EPHA6: variants seen among roughly 807,000 people sequenced by gnomAD.
EPHA6 encodes EPH receptor A6, also known as ephrin type-A receptor 6.
A neutral mutation model predicts 112.0 loss-of-function variants in EPHA6; 50 were observed. The ratio of observed to expected loss-of-function variants is 0.45; its 90% CI spans 0.36 to 0.56. EPHA6 has a LOEUF of 0.56. Among genes scored for constraint, EPHA6 ranks in the 20% least tolerant of loss-of-function variants. The pLI, the probability that EPHA6 is intolerant of heterozygous loss-of-function variation, is 0.00. For synonymous variants in EPHA6, 529 were observed against 490.7 expected, an observed-to-expected ratio of 1.08 and a Z score of -1.03; for missense variants, 1,280 against 1,417.4, an observed-to-expected ratio of 0.90 and a Z score of 1.56.
intron 13 of EPHA6, among the ~76,000 whole-genome samples, chr3:97,620,960 A>C (rs1461389057): frequency 6.6e-6 from 1 of 152,068 alleles, no homozygotes; most frequent in Non-Finnish European, 1.5e-5. Context: ...ACACACACGC[A>C]TGCATATATT....
At chr3:96,963,586 G>T (rs1305421963) in intron 2 of EPHA6, among the ~76,000 whole-genome samples, 1 of 152,034 alleles carries the variant, frequency 6.6e-6, no homozygotes, top group African/African-American at 2.4e-5. Context: ...ACAATATATG[G>T]CTGGGTATTT....
chr3:97,182,343 A>C (rs2077012083), intron 3 of EPHA6, among the ~76,000 whole-genome samples: 1 of 148,912 alleles, frequency 6.7e-6, no homozygotes, highest in South Asian at 2.1e-4. Context: ...ATATATAATT[A>C]TCATATTATA....
At chr3:97,396,237 C>A (rs1283393574) in intron 5 of EPHA6, among the ~76,000 whole-genome samples, 1 of 150,404 alleles carries the variant, frequency 6.6e-6, no homozygotes, top group Non-Finnish European at 1.5e-5. Context: ...CACTGTGTAT[C>A]TCATTTTCTC....
chr3:97,521,300 G>A (rs1471493590), intron 10 of EPHA6, among the ~76,000 whole-genome samples: 3 of 150,618 alleles, frequency 2.0e-5, no homozygotes, highest in Non-Finnish European at 4.4e-5. Context: ...ATTTATATGT[G>A]TGCATCTTGT....
chr3:97,277,080 GAAGA>G (rs2080111841), intron 5 of EPHA6, among the ~76,000 whole-genome samples: 2 of 152,100 alleles, frequency 1.3e-5, no homozygotes, highest in Admixed American at 6.5e-5. Context: ...TGTAGAAAAG[GAAGA>G]AAGACTCAGT....
intron 14 of EPHA6, among the ~76,000 whole-genome samples, chr3:97,652,364 G>A (rs953752011): frequency 6.6e-6 from 1 of 151,970 alleles, no homozygotes; most frequent in East Asian, 1.9e-4. Context: ...GACCCTATTG[G>A]CTGCCCATTC....
rs1397443715 is a variant in EPHA6, at chr3:97,012,623, G to A, written c.1114+24630G>A. Reference sequence around the variant, plus strand: ...TGTGTGTGTGTATATATATATATATGTATTTTTTTTTTTTTTTAAAGAAAC... The same window carrying A: ...TGTGTGTGTGTATATATATATATATATATTTTTTTTTTTTTTTAAAGAAAC... On this transcript the variant is annotated intron_variant, in intron 3 of 17. Coordinates refer to ENST00000389672, the MANE Select transcript of EPHA6 (RefSeq NM_001080448.3). 3.8e-3 allele frequency among the ~76,000 whole-genome samples: 528 copies of A among 139,150 alleles called. 6 individuals are homozygous for A. The highest frequency in any genetic ancestry group is 0.014 in the African/African-American group (492 of 36,328). The allele number at this position is 139,150 out of a possible 152,430, so 91.3% of individuals were successfully genotyped here. A position where few individuals can be genotyped will look rare whatever the true frequency, so the allele number is the denominator to read the frequency against.
At chr3:97,352,464 C>T (rs1339800783) in intron 5 of EPHA6, among the ~76,000 whole-genome samples, 1 of 152,156 alleles carries the variant, frequency 6.6e-6, no homozygotes, top group Non-Finnish European at 1.5e-5. Context: ...AGCCACATGG[C>T]ATAGAGAGAG....
At chr3:97,137,739 G>A (rs1195841426) in intron 3 of EPHA6, among the ~76,000 whole-genome samples, 2 of 152,050 alleles carry the variant, frequency 1.3e-5, no homozygotes, top group African/African-American at 2.4e-5. Context: ...TTACCAACTT[G>A]CAGTCCTTTA....
chr3:97,541,041 T>C (rs1011752050), intron 11 of EPHA6, among the ~76,000 whole-genome samples: 2 of 152,200 alleles, frequency 1.3e-5, no homozygotes, highest in South Asian at 2.1e-4. Flanking sequence ...AAGTTTCTAA[T>C]GGTCTTATGT....
chr3:97,229,964 G>A (rs1180234933), intron 4 of EPHA6, among the ~76,000 whole-genome samples: 1 of 151,964 alleles, frequency 6.6e-6, no homozygotes, highest in Non-Finnish European at 1.5e-5. Context: ...ATGGAAAAAA[G>A]TTTTTAGCAG....
At chr3:97,602,318 C>T (rs1000460582) in intron 12 of EPHA6, among the ~76,000 whole-genome samples, 7 of 151,912 alleles carry the variant, frequency 4.6e-5, no homozygotes, top group African/African-American at 1.2e-4. Flanking sequence ...TTGTATAGAA[C>T]GTTTTACAGC....
At chr3:97,141,579 T>C (rs1207238228) in intron 3 of EPHA6, among the ~76,000 whole-genome samples, 1 of 152,054 alleles carries the variant, frequency 6.6e-6, no homozygotes, top group Non-Finnish European at 1.5e-5. Context: ...AGATTGCTTC[T>C]GAATGACTTT....
chr3:97,079,755 T>A (rs946529297), intron 3 of EPHA6, among the ~76,000 whole-genome samples: 4 of 152,090 alleles, frequency 2.6e-5, no homozygotes, highest in Admixed American at 6.6e-5. Flanking sequence ...TGCAGCAAAC[T>A]TTATTGTCTT....
At chr3:97,725,624 T>C (rs2107811524) in intron 15 of EPHA6, among the ~76,000 whole-genome samples, 1 of 152,248 alleles carries the variant, frequency 6.6e-6, no homozygotes, top group African/African-American at 2.4e-5. Flanking sequence ...CCAGTCGGGC[T>C]TTAGAACAAG....
At chr3:97,494,507 T>C (rs928255411) in intron 10 of EPHA6, among the ~76,000 whole-genome samples, 3 of 152,114 alleles carry the variant, frequency 2.0e-5, no homozygotes, top group African/African-American at 7.2e-5. Flanking sequence ...AATTTCCCTA[T>C]CCGTGAAATA....
At chr3:97,113,469 C>G (rs2047784388) in intron 3 of EPHA6, among the ~76,000 whole-genome samples, 1 of 152,092 alleles carries the variant, frequency 6.6e-6, no homozygotes, top group South Asian at 2.1e-4. Context: ...CTTTCGTCGA[C>G]AAGTCATAGT....
intron 11 of EPHA6, among the ~76,000 whole-genome samples, chr3:97,552,050 T>G (rs2093035862): frequency 6.6e-6 from 1 of 152,162 alleles, no homozygotes; most frequent in South Asian, 2.1e-4. Flanking sequence ...AACAAAAGCT[T>G]TCCTCATGTT....
intron 3 of EPHA6, among the ~76,000 whole-genome samples, chr3:97,105,114 T>A (rs970268862): frequency 7.0e-6 from 1 of 141,924 alleles, no homozygotes; most frequent in African/African-American, 3.1e-5. Flanking sequence ...CCTTTGAATG[T>A]TTTTTTTGTG....
Sources: gnomAD v4.1 joint callset for allele counts (sites outside exome capture counted in the v4.1 genomes callset) on GRCh38, gnomAD v4.1.1 for gene constraint, MANE v1.5 for transcripts, NCBI Gene and HGNC (gene_info 2026-07-23, HGNC 2026-07-21) for gene names.